CAMTA1: variants seen among roughly 807,000 people sequenced by gnomAD.
CAMTA1 encodes calmodulin binding transcription activator 1.
In CAMTA1, 27 loss-of-function variants were observed where a neutral mutation model predicts 170.9. The observed-to-expected ratio is 0.16, with a 90% CI of 0.12 to 0.22. CAMTA1 has a LOEUF of 0.22. CAMTA1 is among the 10% of genes least tolerant of loss of function. CAMTA1 has a pLI of 1.00. For synonymous variants in CAMTA1, 833 were observed against 891.5 expected (o/e 0.93, Z 1.17); for missense variants, 1,619 against 2,217.2 (o/e 0.73, Z 5.42).
intron 3 of CAMTA1, among the ~76,000 whole-genome samples, chr1:6,999,581 C>T (rs1267275864): frequency 6.6e-6 from 1 of 152,136 alleles, no homozygotes; most frequent in Non-Finnish European, 1.5e-5. Flanking sequence ...CGGGGCTTTC[C>T]CATGTTGCCT....
At chr1:7,728,287 G>A (rs1399109946) in intron 11 of CAMTA1, among the ~76,000 whole-genome samples, 3 of 152,238 alleles carry the variant, frequency 2.0e-5, no homozygotes, top group South Asian at 4.1e-4. Context: ...CGTGCTTGGC[G>A]GGGGGATGGG....
intron 5 of CAMTA1, among the ~76,000 whole-genome samples, chr1:7,418,255 G>A (rs904409596): frequency 1.2e-4 from 19 of 152,182 alleles, no homozygotes; most frequent in African/African-American, 4.6e-4. Context: ...GAGTGCAGTG[G>A]TGCAATCTCG....
rs191321719 is a variant in CAMTA1, at chr1:7,128,973, G to A, written c.302+37602G>A. Among the ~76,000 whole-genome samples, 13 of 151,918 alleles carry A rather than the reference G, an allele frequency of 8.6e-5. No individual in the cohort carries two copies. In the East Asian group the frequency reaches 2.5e-3, roughly 29 times the overall value. On this transcript the variant is annotated intron_variant, in intron 4 of 22. Coordinates refer to ENST00000303635, the MANE Select transcript of CAMTA1 (RefSeq NM_015215.4). Reference sequence around the variant, plus strand: ...CTCCTGTTCAGCCTCCCGAGTAGCTGGGATTACAGGCATGTTTCATTATGC... The same window carrying A: ...CTCCTGTTCAGCCTCCCGAGTAGCTAGGATTACAGGCATGTTTCATTATGC...
In CAMTA1 at chr1:7,547,832, C is replaced by T. The variant is rs972858401; in HGVS notation, c.510+79931C>T. ...ACATCTCTGCCACCCCATGTGGGCC[C>T]CCTCCAAACCCAGACTCTGACACCC... On this transcript the variant is annotated intron_variant, in intron 6 of 22. Transcript: ENST00000303635. The surrounding 1 kb of genome is among the most constrained non-coding windows in gnomAD (Gnocchi z 5.7). Among the ~76,000 whole-genome samples the T allele has an allele frequency of 2.6e-5, 4 of 152,172 alleles. No homozygotes were observed. In the East Asian group the frequency reaches 7.7e-4, roughly 29 times the overall value.
chr1:7,393,093 C>T (rs1028669168), intron 5 of CAMTA1, among the ~76,000 whole-genome samples: 12 of 151,244 alleles, frequency 7.9e-5, no homozygotes, highest in Admixed American at 7.9e-4. Context: ...CACATCCTTG[C>T]CAGCATTTAG....
chr1:7,158,354 G>T lies in CAMTA1; in HGVS notation c.302+66983G>T, dbSNP rs56852740. Among the ~76,000 whole-genome samples the T allele has an allele frequency of 3.4e-3, 512 of 152,326 alleles. 1 individual carries two copies. Among genetic ancestry groups the T allele is most frequent in the African/African-American group, 0.012 (500 of 41,570 alleles). On this transcript the variant is annotated intron_variant, in intron 4 of 22. Coordinates refer to ENST00000303635, the MANE Select transcript of CAMTA1 (RefSeq NM_015215.4). ...ATGGCTTCCTCTGTTGTGGGTGATG[G>T]TGTCTGCAATTTACTGGGAAAAGAC...
intron 3 of CAMTA1, among the ~76,000 whole-genome samples, chr1:7,047,186 A>G (rs1289744318): frequency 6.6e-6 from 1 of 152,092 alleles, no homozygotes; most frequent in African/African-American, 2.4e-5. Context: ...CATGCAGGGG[A>G]TGTGTGGTGT....
At chr1:7,307,494 T>A (rs1456784434) in intron 5 of CAMTA1, among the ~76,000 whole-genome samples, 2 of 152,046 alleles carry the variant, frequency 1.3e-5, no homozygotes, top group Non-Finnish European at 2.9e-5. Context: ...TATGTGAGAA[T>A]GGACAGTTTT....
chr1:7,689,657 T>C (rs553731524), intron 11 of CAMTA1, among the ~76,000 whole-genome samples: 2 of 152,268 alleles, frequency 1.3e-5, no homozygotes, highest in East Asian at 3.9e-4. Flanking sequence ...GAGTTGGAAC[T>C]TGTCCCATAG....
intron 4 of CAMTA1, among the ~76,000 whole-genome samples, chr1:7,218,716 C>G (rs17030589): frequency 0.021 from 3,214 of 152,270 alleles, 68 homozygotes; most frequent in East Asian, 0.094. Context: ...TTCCTAAACT[C>G]TCCATGCTCG....
chr1:7,575,526 T>A (rs1483337651), intron 6 of CAMTA1, among the ~76,000 whole-genome samples: 1 of 152,182 alleles, frequency 6.6e-6, no homozygotes, highest in Non-Finnish European at 1.5e-5. Context: ...AGAAAGGAAA[T>A]GAGATCTAAG....
chr1:6,986,648 C>A (rs1184135548), intron 3 of CAMTA1, among the ~76,000 whole-genome samples: 1 of 152,050 alleles, frequency 6.6e-6, no homozygotes, highest in Non-Finnish European at 1.5e-5. Flanking sequence ...CAGAGAAATG[C>A]CATCTTCTGG....
intron 6 of CAMTA1, among the ~76,000 whole-genome samples, chr1:7,518,992 G>C (rs1534223): frequency 0.25 from 38,114 of 151,754 alleles, 5,491 homozygotes; most frequent in Non-Finnish European, 0.31. Context: ...CCTGGGGAGA[G>C]CAAGGCAGTT....
rs531606336 is a variant in CAMTA1, at chr1:7,547,442, C to T, written c.510+79541C>T. ...TCGCATCCGTGGATTCAACCAACAACGGGCCAAAAATATCCAGGAAAAAAA... is the reference window on the plus strand; with the variant it reads ...TCGCATCCGTGGATTCAACCAACAATGGGCCAAAAATATCCAGGAAAAAAA... On this transcript the variant is annotated intron_variant, in intron 6 of 22. Transcript: ENST00000303635. The surrounding 1 kb of genome is among the most constrained non-coding windows in gnomAD (Gnocchi z 5.7). Among the ~76,000 whole-genome samples, 215 of 151,650 alleles carry T rather than the reference C, an allele frequency of 1.4e-3. 2 individuals are homozygous for T. Among genetic ancestry groups the T allele is most frequent in the African/African-American group, 2.1e-3 (86 of 41,256 alleles).
At chr1:7,068,149 G>A (rs1709201458) in intron 3 of CAMTA1, among the ~76,000 whole-genome samples, 1 of 152,088 alleles carries the variant, frequency 6.6e-6, no homozygotes, top group South Asian at 2.1e-4. Context: ...CTGTAATTTT[G>A]CAGCCCAAAA....
At chr1:7,327,160 T>C (rs1246777410) in intron 5 of CAMTA1, among the ~76,000 whole-genome samples, 8 of 151,830 alleles carry the variant, frequency 5.3e-5, no homozygotes, top group African/African-American at 1.9e-4. Flanking sequence ...CTCACGCTTG[T>C]AATCCCAGCA....
chr1:6,908,203 G>A (rs765859046), intron 3 of CAMTA1, among the ~76,000 whole-genome samples: 15 of 152,150 alleles, frequency 9.9e-5, no homozygotes, highest in Non-Finnish European at 2.1e-4. Context: ...AATGCTATCC[G>A]TCATCATCCC....
In CAMTA1 at chr1:7,712,389, C is replaced by T. The variant is rs533642581; in HGVS notation, c.2915-20059C>T. Among the ~76,000 whole-genome samples the T allele has an allele frequency of 7.2e-4, 109 of 151,922 alleles. 1 individual carries two copies. Among genetic ancestry groups the T allele is most frequent in the Admixed American group, 1.8e-3 (28 of 15,266 alleles). ...AGGCCGAAGTGTAGTGGTGCAATCT[C>T]GGCTCACTGCAACTCCCACTGCCCA... On this transcript the variant is annotated intron_variant, in intron 11 of 22. Coordinates refer to ENST00000303635, the MANE Select transcript of CAMTA1 (RefSeq NM_015215.4).
intron 7 of CAMTA1, among the ~76,000 whole-genome samples, chr1:7,655,041 T>G (rs1204255664): frequency 8.3e-6 from 1 of 120,352 alleles, no homozygotes; most frequent in African/African-American, 3.3e-5. Context: ...CACACCCACC[T>G]ATACACACAC....
Sources: gnomAD v4.1 joint callset for allele counts (sites outside exome capture counted in the v4.1 genomes callset) on GRCh38, gnomAD v4.1.1 for gene constraint, Gnocchi (gnomAD v3.1) non-coding constraint, MANE v1.5 for transcripts, NCBI Gene and HGNC (gene_info 2026-07-23, HGNC 2026-07-21) for gene names.